ANKFN1: variants seen among roughly 807,000 people sequenced by gnomAD.
ANKFN1 encodes the protein ankyrin repeat and fibronectin type-III domain-containing protein 1.
In ANKFN1, 74 loss-of-function variants were observed where a neutral mutation model predicts 108.7. The observed-to-expected ratio is 0.68, with a 90% CI of 0.56 to 0.83. ANKFN1 has a LOEUF of 0.83. Among genes scored for constraint, ANKFN1 ranks in the 40% least tolerant of loss-of-function variants. The probability of loss-of-function intolerance (pLI) is 0.00; values close to 1 mark genes in which losing one functional copy is unlikely to be tolerated. For missense variants in ANKFN1, 1,505 were observed against 1,382.3 expected, an observed-to-expected ratio of 1.09 and a Z score of -1.41; for synonymous variants, 547 against 516.2, an observed-to-expected ratio of 1.06 and a Z score of -0.81.
At chr17:56,409,610 G>C (rs567220655) in intron 8 of ANKFN1, among the ~76,000 whole-genome samples, 2 of 152,236 alleles carry the variant, frequency 1.3e-5, no homozygotes, top group East Asian at 3.9e-4. Flanking sequence ...GATGAAGACA[G>C]CCTCACAGAA....
chr17:56,104,533 A>G (rs1905705788), intron 4 of ANKFN1, among the ~76,000 whole-genome samples: 1 of 152,194 alleles, frequency 6.6e-6, no homozygotes, highest in Non-Finnish European at 1.5e-5. Context: ...AACCTTCAGA[A>G]TAGAGAAGCA....
Position 56,483,615 on chromosome 17 carries a change from T to TTGAGAGTCCTGGATTCCCTATTGTG in ANKFN1, c.2260+1095_2260+1119dup, listed in dbSNP as rs1568040011. ...TCAAATCAGACTCGTAGACTGGGAC[T>TTGAGAGTCCTGGATTCCCTATTGTG]TGAGAGTCCTGGATTCCCTATTGTG... On this transcript the variant is annotated intron_variant, in intron 18 of 20. Coordinates refer to ENST00000682825, the MANE Select transcript of ANKFN1 (RefSeq NM_001370326.1). Among the ~76,000 whole-genome samples, 6 of 152,234 alleles carry TTGAGAGTCCTGGATTCCCTATTGTG rather than the reference T, an allele frequency of 3.9e-5. No homozygotes were observed. In the South Asian group the frequency reaches 1.2e-3, roughly 32 times the overall value.
chr17:56,485,586 T>A (rs2050828518), intron 18 of ANKFN1, among the ~76,000 whole-genome samples: 3 of 152,304 alleles, frequency 2.0e-5, no homozygotes, highest in African/African-American at 4.8e-5. Context: ...TTTTGAGTGG[T>A]AGAGTAACGT....
chr17:56,082,471 T>G (rs183774327), intron 4 of ANKFN1, among the ~76,000 whole-genome samples: 1 of 151,354 alleles, frequency 6.6e-6, no homozygotes, highest in Non-Finnish European at 1.5e-5. Flanking sequence ...CTGAGCCTTG[T>G]CAGAGTTCTG....
chr17:56,152,256 A>AGG (rs1908687422), upstream of ANKFN1, among the ~76,000 whole-genome samples: 1 of 79,254 alleles, frequency 1.3e-5, no homozygotes, highest in African/African-American at 4.0e-5. Context: ...ATATATATAT[A>AGG]TATATATGTG....
chr17:56,144,087 G>A (rs1387651426), intron 4 of ANKFN1, among the ~76,000 whole-genome samples: 1 of 141,414 alleles, frequency 7.1e-6, no homozygotes, highest in Non-Finnish European at 1.5e-5. Context: ...GAGGGCAGAG[G>A]TTGTCATTTG....
chr17:56,171,787 A>G (rs1379029503), intron 1 of ANKFN1, among the ~76,000 whole-genome samples: 1 of 152,206 alleles, frequency 6.6e-6, no homozygotes, highest in Non-Finnish European at 1.5e-5. Flanking sequence ...GATAGAAAAC[A>G]GCAGGGAAAC....
At chr17:56,428,014 C>A (rs1363643140) in intron 8 of ANKFN1, among the ~76,000 whole-genome samples, 2 of 152,096 alleles carry the variant, frequency 1.3e-5, no homozygotes, top group Admixed American at 1.3e-4. Context: ...AGGTGGATCA[C>A]CTGAGATCAA....
At chr17:56,409,670 G>A (rs1043915564) in intron 8 of ANKFN1, among the ~76,000 whole-genome samples, 6 of 152,162 alleles carry the variant, frequency 3.9e-5, no homozygotes, top group African/African-American at 1.2e-4. Context: ...CATGACCCTT[G>A]TTCCTCCTGA....
chr17:56,221,839 A>G (rs1039508549), intron 2 of ANKFN1, among the ~76,000 whole-genome samples: 36 of 152,282 alleles, frequency 2.4e-4, no homozygotes, highest in African/African-American at 8.4e-4. Context: ...TCTTCTGGAC[A>G]CCATCATTTA....
intron 4 of ANKFN1, among the ~76,000 whole-genome samples, chr17:56,116,718 C>G (rs117203410): frequency 1.3e-5 from 2 of 152,150 alleles, no homozygotes; most frequent in Admixed American, 6.6e-5. Context: ...CCAAATAAAC[C>G]TCTTTTCTTT....
chr17:56,476,783 C>T (rs572130750), intron 15 of ANKFN1, among the ~76,000 whole-genome samples: 31 of 152,166 alleles, frequency 2.0e-4, no homozygotes, highest in Non-Finnish European at 4.3e-4. Context: ...TTATCTTCTT[C>T]GTGGTTGCAT....
At chr17:56,413,972 C>T (rs1175261370) in intron 8 of ANKFN1, among the ~76,000 whole-genome samples, 1 of 152,216 alleles carries the variant, frequency 6.6e-6, no homozygotes, top group Non-Finnish European at 1.5e-5. Context: ...GCCACTGCAT[C>T]CAGCCATGAA....
intron 2 of ANKFN1, among the ~76,000 whole-genome samples, chr17:56,220,345 A>G (rs905576066): frequency 2.6e-5 from 4 of 152,232 alleles, no homozygotes; most frequent in African/African-American, 9.6e-5. Context: ...GTACTAGTCC[A>G]GTCTCCCATT....
intron 4 of ANKFN1, among the ~76,000 whole-genome samples, chr17:56,094,758 G>C (rs1289591306): frequency 3.4e-5 from 5 of 146,772 alleles, no homozygotes; most frequent in Non-Finnish European, 7.5e-5. Context: ...CTGACTTCGT[G>C]ATCCACCCAC....
upstream of ANKFN1, among the ~76,000 whole-genome samples, chr17:56,148,782 C>T (rs1468182562): frequency 6.6e-6 from 1 of 152,186 alleles, no homozygotes; most frequent in Non-Finnish European, 1.5e-5. Context: ...ATTCTTTTGA[C>T]ATTTCTATCA....
intron 14 of ANKFN1, among the ~76,000 whole-genome samples, chr17:56,458,395 T>C (rs1022003249): frequency 6.6e-6 from 1 of 151,666 alleles, no homozygotes; most frequent in African/African-American, 2.4e-5. Context: ...TATATGAAGA[T>C]GGAAAAAAGA....
intron 3 of ANKFN1, among the ~76,000 whole-genome samples, chr17:56,306,925 A>T (rs994870162): frequency 6.6e-6 from 1 of 152,240 alleles, no homozygotes; most frequent in African/African-American, 2.4e-5. Context: ...ATAATGCCGC[A>T]TATCTACAAC....
chr17:56,453,072 A>G (rs1278232518), intron 11 of ANKFN1, among the ~76,000 whole-genome samples: 1 of 152,048 alleles, frequency 6.6e-6, no homozygotes, highest in African/African-American at 2.4e-5. Flanking sequence ...TTTCCTCCCC[A>G]AAGATAACCT....
Sources: allele counts gnomAD v4.1 joint callset (sites outside exome capture counted in the v4.1 genomes callset), GRCh38; gene constraint gnomAD v4.1.1; transcripts MANE v1.5; gene names NCBI Gene and HGNC (gene_info 2026-07-23, HGNC 2026-07-21).